Variants in WASHC2C observed in about 807,000 individuals in gnomAD.
WASHC2C encodes Vaccinia Penetration Factor.
Under a neutral mutation model 142.2 loss-of-function variants are expected in WASHC2C, and 73 were observed. The ratio of observed to expected loss-of-function variants is 0.51; its 90% confidence interval spans 0.43 to 0.62. The LOEUF (loss-of-function observed/expected upper bound fraction) is 0.62. WASHC2C is among the 20% of genes least tolerant of loss of function. WASHC2C has a pLI of 0.00. For missense variants in WASHC2C, 969 were observed against 1,531.7 expected, an observed-to-expected ratio of 0.63 and a Z score of 6.13; for synonymous variants, 337 against 565.5, an observed-to-expected ratio of 0.60 and a Z score of 5.73.
At chr10:45,790,997 C>T (rs1204140038) in intron 30 of WASHC2C, among the ~76,000 whole-genome samples, 22 of 152,102 alleles carry the variant, frequency 1.4e-4, no homozygotes, top group Non-Finnish European at 2.8e-4. Flanking sequence ...CTACCTCAGG[C>T]GTTGCATTTC....
Position 45,752,630 on chromosome 10 carries a change from A to G in WASHC2C, c.1046A>G (p.Glu349Gly), listed in dbSNP as rs782549700. ...NLFAPPKLTD[E>G]DFSPFGSGGG... ...TTCGCACCCCCCAAGCTGACCGACG[A>G]GGACTTCTCGCCATTTGGCTCTGGA... Residue 349 changes from glutamate to glycine, a missense_variant, in exon 12 of 31, where the codon GAG (glutamate) becomes GGG (glycine). Physicochemically the swap from Glu to Gly is moderately conservative, Grantham distance 98. Transcript: ENST00000623400. 5.0e-6 allele frequency: 8 copies of G among 1,609,818 alleles called. No homozygotes were observed. The East Asian group carries it at 1.8e-4, about 36-fold the overall frequency.
chr10:45,792,361 C>T lies in WASHC2C; in HGVS notation c.3987C>T (p.Asn1329=), dbSNP rs1351649828. 1 of 1,565,314 alleles carries T rather than the reference C, an allele frequency of 6.4e-7. No homozygotes were observed. Among genetic ancestry groups the T allele is most frequent in the African/African-American group, 1.4e-5 (1 of 72,834 alleles). The change falls in exon 31 of 31, where the codon AAC becomes AAT. Residue 1329 remains asparagine, a synonymous_variant. Transcript: ENST00000623400. ...PEPRFEHKVS[N]IFDDPLNAFG... ...CAAGATTTGAACACAAGGTGTCCAA[C>T]ATCTTTGATGATCCCCTGAATGCCT...
chr10:45,784,289 T>TATATATATATATATACAC (rs1333007505), intron 23 of WASHC2C, among the ~76,000 whole-genome samples: 4 of 17,720 alleles, frequency 2.3e-4, no homozygotes, highest in Admixed American at 1.9e-3. Context: ...TATATATATA[T>TATATATATATATATACAC]ACACATATAT....
At chr10:45,736,733 T>C (rs1351553392) in intron 3 of WASHC2C, among the ~76,000 whole-genome samples, 3 of 152,066 alleles carry the variant, frequency 2.0e-5, no homozygotes, top group African/African-American at 7.2e-5. Flanking sequence ...AAGGATCAGG[T>C]TGGGGATAGG....
chr10:45,743,913 C>T (rs1177564797), intron 6 of WASHC2C, among the ~76,000 whole-genome samples: 29 of 141,852 alleles, frequency 2.0e-4, no homozygotes, highest in East Asian at 6.5e-4. Context: ...CACACCTGGC[C>T]AATTTTTGTA....
At chr10:45,743,545 C>A in intron 6 of WASHC2C, 62 bp downstream of exon 6, 1 of 1,575,098 alleles carries the variant, frequency 6.3e-7, no homozygotes, top group Non-Finnish European at 8.6e-7. Flanking sequence ...AAAATAATTT[C>A]AAATTTTACA....
In WASHC2C at chr10:45,792,726, T is replaced by C; in HGVS notation, c.*326T>C. ...TTTCATGGGCAGGGAATCTCAGAGA[T>C]AGCAAATGCCACCTGACCAGAAGTC... On this transcript the variant is annotated 3_prime_UTR_variant, in exon 31 of 31. Coordinates refer to ENST00000623400, the MANE Select transcript of WASHC2C (RefSeq NM_001330074.2). 1.9e-6 allele frequency: 1 copy of C among 526,926 alleles called. No individual in the cohort carries two copies. The highest frequency in any genetic ancestry group is 3.7e-6 in the Non-Finnish European group (1 of 272,882). 32.6% of individuals were successfully genotyped at this position (526,926 alleles called of 1,614,324 possible). A position where few individuals can be genotyped will look rare whatever the true frequency, so the allele number is the denominator to read the frequency against.
At chr10:45,784,279 T>TACAC (rs1474165815) in intron 23 of WASHC2C, among the ~76,000 whole-genome samples, 3 of 7,554 alleles carry the variant, frequency 4.0e-4, no homozygotes, top group East Asian at 0.013. Context: ...TATATATATA[T>TACAC]ATATATATAT....
At chr10:45,749,228 A>C (rs2053226506) in intron 8 of WASHC2C, among the ~76,000 whole-genome samples, 1 of 151,984 alleles carries the variant, frequency 6.6e-6, no homozygotes, top group Non-Finnish European at 1.5e-5. Flanking sequence ...TGAGGTCAGG[A>C]GTTCGAGACC....
rs1157472930 is a variant in WASHC2C, at chr10:45,727,398, C to T, written c.4-19C>T. On this transcript the variant is annotated intron_variant, in intron 1 of 30. Coordinates refer to ENST00000623400, the MANE Select transcript of WASHC2C (RefSeq NM_001330074.2). ...GCCGCCCTCAGGCTCAGCCTCTCTT[C>T]TCGTTTTTTTCGCTGCAGATGAACC... The T allele has an allele frequency of 1.9e-6, 3 of 1,610,968 alleles. No homozygotes were observed. The East Asian group carries it at 6.7e-5, about 36-fold the overall frequency.
chr10:45,750,164 G>A lies in WASHC2C; in HGVS notation c.801G>A (p.Lys267=). ...DGCDLFADSE[K]EEEDIEDIEE... is the part of the protein sequence containing the mutation. ...GTGACCTTTTTGCTGACTCTGAGAA[G>A]GAGGAGGAAGATATTGAGGACATTG... The change falls in exon 9 of 31, where the codon AAG becomes AAA. Residue 267 remains lysine (K), a synonymous_variant. Coordinates refer to ENST00000623400, the MANE Select transcript of WASHC2C (RefSeq NM_001330074.2). 1 of 1,611,516 alleles carries A rather than the reference G, an allele frequency of 6.2e-7. No homozygotes were observed. Among genetic ancestry groups the A allele is most frequent in the South Asian group, 1.1e-5 (1 of 90,968 alleles).
intron 21 of WASHC2C, among the ~76,000 whole-genome samples, chr10:45,775,141 T>C (rs1367414103): frequency 1.4e-5 from 2 of 143,704 alleles, no homozygotes; most frequent in African/African-American, 5.3e-5. Context: ...ATGCAGCCAT[T>C]TTAGACAATT....
In WASHC2C at chr10:45,775,256, G is replaced by A. The variant is rs1348234864; in HGVS notation, c.2142+1898G>A. On this transcript the variant is annotated intron_variant, in intron 21 of 30. Transcript: ENST00000623400. ...AATCCCAACACTTTGGGAGGCTGAG[G>A]TGGGTGGATCACCTGAGGTCAGAAG... Among the ~76,000 whole-genome samples the A allele has an allele frequency of 4.7e-5, 7 of 147,642 alleles. No homozygotes were observed. The East Asian group carries it at 1.2e-3, about 25-fold the overall frequency.
chr10:45,743,509 A>T (rs2610457), intron 6 of WASHC2C, 26 bp downstream of exon 6: 1 of 1,605,832 alleles, frequency 6.2e-7, no homozygotes, highest in Non-Finnish European at 8.5e-7. Flanking sequence ...AAATAATTTT[A>T]TTCCTTAACA....
chr10:45,738,085 T>C (rs2051495089), intron 4 of WASHC2C, 40 bp downstream of exon 4: 3 of 1,611,840 alleles, frequency 1.9e-6, no homozygotes, highest in Non-Finnish European at 2.5e-6. Context: ...TTTCTGACTT[T>C]GAAAAGTGTG....
chr10:45,775,659 C>T (rs1390868169), intron 21 of WASHC2C, among the ~76,000 whole-genome samples: 4 of 151,584 alleles, frequency 2.6e-5, no homozygotes, highest in East Asian at 3.9e-4. Context: ...TTTTGTCTCC[C>T]CTATCAACTA....
intron 6 of WASHC2C, among the ~76,000 whole-genome samples, chr10:45,744,178 C>A (rs1372417636): frequency 4.7e-5 from 7 of 150,154 alleles, no homozygotes; most frequent in African/African-American, 1.7e-4. Context: ...CCTACCTCAG[C>A]CTCCTGAGTA....
At position 45,759,647 on chromosome 10, in the gene WASHC2C, T is replaced by A. The variant is rs2805188; in HGVS notation, c.1635+246T>A. Among the ~76,000 whole-genome samples, 411 of 150,606 alleles carry A rather than the reference T, an allele frequency of 2.7e-3. 2 individuals carry two copies. Among genetic ancestry groups the A allele is most frequent in the Non-Finnish European group, 4.5e-3 (301 of 67,108 alleles). ...CAGGCTGGCCAACATGATGAAACCC[T>A]GTCTCTATTAAAAAGACAAAAATTA... On this transcript the variant is annotated intron_variant, in intron 17 of 30. Coordinates refer to ENST00000623400, the MANE Select transcript of WASHC2C (RefSeq NM_001330074.2).
At chr10:45,739,662 C>T (rs565031077) in intron 4 of WASHC2C, among the ~76,000 whole-genome samples, 106 of 151,370 alleles carry the variant, frequency 7.0e-4, no homozygotes, top group African/African-American at 2.4e-3. Flanking sequence ...CCTCTGTGAC[C>T]TTCCTTCTAA....
Sources: allele counts gnomAD v4.1 joint callset (sites outside exome capture counted in the v4.1 genomes callset), GRCh38; gene constraint gnomAD v4.1.1; transcripts MANE v1.5; gene names NCBI Gene and HGNC (gene_info 2026-07-23, HGNC 2026-07-21).